Variants in KIAA1549 observed in about 807,000 individuals in gnomAD.
KIAA1549 encodes the protein KIAA1549, also known as UPF0606 protein KIAA1549.
A neutral mutation model predicts 156.4 loss-of-function variants in KIAA1549; 70 were observed. The ratio of observed to expected loss-of-function variants is 0.45; its 90% CI spans 0.37 to 0.55. The LOEUF is 0.55. Among genes scored for constraint, KIAA1549 ranks in the 20% least tolerant of loss-of-function variants. KIAA1549 has a pLI of 0.00. For missense variants in KIAA1549, 2,428 were observed against 2,540.9 expected (o/e 0.96, Z 0.96); for synonymous variants, 1,103 against 1,066.4 (o/e 1.03, Z -0.67).
At chr7:138,840,067 G>A (rs949237417) in intron 19 of KIAA1549, 66 bp downstream of exon 19, 46 of 1,422,776 alleles carry the variant, frequency 3.2e-5, no homozygotes, top group Non-Finnish European at 4.0e-5. Flanking sequence ...TGGGATTACA[G>A]GTGTGAGCCA....
chr7:138,898,406 T>C (rs1248995864), intron 9 of KIAA1549, among the ~76,000 whole-genome samples: 2 of 150,140 alleles, frequency 1.3e-5, no homozygotes, highest in South Asian at 2.1e-4. Flanking sequence ...CCAACAATAA[T>C]AAAGAAACTT....
chr7:138,863,110 G>A (rs888519967), intron 15 of KIAA1549, among the ~76,000 whole-genome samples: 15 of 152,050 alleles, frequency 9.9e-5, no homozygotes, highest in East Asian at 1.9e-4. Context: ...AGGAACCAAC[G>A]AAGAAGAGTC....
chr7:138,967,566 G>A (rs1814068268), intron 1 of KIAA1549, among the ~76,000 whole-genome samples: 1 of 152,172 alleles, frequency 6.6e-6, no homozygotes, highest in South Asian at 2.1e-4. Flanking sequence ...CTAGGGGCTA[G>A]GAAAACCACC....
At chr7:138,934,000 T>A (rs1584767430) in intron 1 of KIAA1549, among the ~76,000 whole-genome samples, 1 of 152,104 alleles carries the variant, frequency 6.6e-6, no homozygotes, top group East Asian at 1.9e-4. Flanking sequence ...AAAATACAAC[T>A]CTTGCAAAAT....
Position 138,904,084 on chromosome 7 carries a change from C to A in KIAA1549, c.3521-348G>T, listed in dbSNP as rs148918518. 2.8e-4 allele frequency among the ~76,000 whole-genome samples: 42 copies of A among 152,320 alleles called. No individual in the cohort carries two copies. The East Asian group carries it at 7.4e-3, about 27-fold the overall frequency. ...GGCGCAAAGGGCGCCTACGCAAGAT[C>A]AAACATTTTGTCTGCACTTATCTCA... On this transcript the variant is annotated intron_variant, in intron 7 of 19. Coordinates refer to ENST00000422774, the MANE Select transcript of KIAA1549 (RefSeq NM_001164665.2).
chr7:138,883,844 C>T (rs1452737775), intron 10 of KIAA1549, among the ~76,000 whole-genome samples: 1 of 152,194 alleles, frequency 6.6e-6, no homozygotes, highest in African/African-American at 2.4e-5. Flanking sequence ...CACTCTGAAA[C>T]ACTTCTCTGG....
At chr7:138,894,121 G>C (rs751943411) in intron 10 of KIAA1549, among the ~76,000 whole-genome samples, 4 of 152,190 alleles carry the variant, frequency 2.6e-5, no homozygotes, top group Admixed American at 6.5e-5. Context: ...GTCATGGCTA[G>C]GCTTTTATAC....
Position 138,919,290 on chromosome 7 carries a change from C to T in KIAA1549, c.336G>A (p.Pro112=), listed in dbSNP as rs573490426. ...CTGTATCAAAAGTAGTGGCAGACGG[C>T]GGGGCTGTGACATGGAGAGGACTGC... ...QHSSPLHVTA[P]PSATTFDTAF... is the part of the protein sequence containing the mutation. The change falls in exon 2 of 20, where the codon CCG becomes CCA. Residue 112 remains proline (P), a synonymous_variant. Transcript: ENST00000422774. 7.1e-5 allele frequency: 115 copies of T among 1,613,928 alleles called. No individual in the cohort carries two copies. Among genetic ancestry groups the T allele is most frequent in the South Asian group, 7.7e-5 (7 of 91,078 alleles).
chr7:138,889,514 TCAA>T (rs936347516), intron 10 of KIAA1549, among the ~76,000 whole-genome samples: 2 of 152,162 alleles, frequency 1.3e-5, no homozygotes, highest in Non-Finnish European at 2.9e-5. Context: ...TTTTGTTAAG[TCAA>T]CAACAAGATG....
intron 10 of KIAA1549, among the ~76,000 whole-genome samples, chr7:138,883,030 T>G (rs1811286937): frequency 7.3e-6 from 1 of 136,616 alleles, no homozygotes; most frequent in Non-Finnish European, 1.5e-5. Flanking sequence ...ATCGGGCAGA[T>G]CACCTGAGGT....
chr7:138,895,142 C>T (rs184778135), intron 9 of KIAA1549, among the ~76,000 whole-genome samples: 5 of 152,308 alleles, frequency 3.3e-5, no homozygotes, highest in East Asian at 3.9e-4. Flanking sequence ...CATGAACAAG[C>T]GAAATCCCTT....
chr7:138,893,657 T>C (rs1306407707), intron 10 of KIAA1549, among the ~76,000 whole-genome samples: 1 of 152,220 alleles, frequency 6.6e-6, no homozygotes, highest in Non-Finnish European at 1.5e-5. Context: ...TAAGTGGGCT[T>C]CCAAATAGGG....
rs968107263 is a variant in KIAA1549, at chr7:138,835,610, G to A, written c.*2296C>T. On this transcript the variant is annotated 3_prime_UTR_variant, in exon 20 of 20. Transcript: ENST00000422774. ...CCATTTATCCCGTTTGCTGTCACAC[G>A]ATTTGAATTCATTACAAGGTGTCCA... 4 of 222,616 alleles carry A rather than the reference G, an allele frequency of 1.8e-5. No homozygotes were observed. Among genetic ancestry groups the A allele is most frequent in the Non-Finnish European group, 2.7e-5 (3 of 111,578 alleles). 13.8% of individuals were successfully genotyped at this position (222,616 alleles called of 1,614,324 possible).
Position 138,836,575 on chromosome 7 carries a change from A to C in KIAA1549, c.*1331T>G, listed in dbSNP as rs1010082089. 5 of 218,396 alleles carry C rather than the reference A, an allele frequency of 2.3e-5. No homozygotes were observed. The highest frequency in any genetic ancestry group is 1.1e-4 in the African/African-American group (5 of 44,522). 13.5% of individuals were successfully genotyped at this position (218,396 alleles called of 1,614,324 possible). A position where few individuals can be genotyped will look rare whatever the true frequency, so the allele number is the denominator to read the frequency against. On this transcript the variant is annotated 3_prime_UTR_variant, in exon 20 of 20. Coordinates refer to ENST00000422774, the MANE Select transcript of KIAA1549 (RefSeq NM_001164665.2). ...CTTTTCTTCTGAGTTTCACTCAGGT[A>C]CCAGAAAACAGAACAGCCCTTGCCA...
chr7:138,888,960 GTTGCTT>G (rs1325071649), intron 10 of KIAA1549, among the ~76,000 whole-genome samples: 2 of 152,190 alleles, frequency 1.3e-5, no homozygotes, highest in African/African-American at 4.8e-5. Flanking sequence ...ATTTTATGGG[GTTGCTT>G]TTACCCCAGC....
At chr7:138,927,271 TCCTA>T (rs1442974254) in intron 1 of KIAA1549, among the ~76,000 whole-genome samples, 1 of 152,232 alleles carries the variant, frequency 6.6e-6, no homozygotes, top group African/African-American at 2.4e-5. Context: ...ATACGAACTT[TCCTA>T]CCTGTTTTCT....
At chr7:138,960,714 C>T (rs1016740884) in intron 1 of KIAA1549, among the ~76,000 whole-genome samples, 4 of 147,590 alleles carry the variant, frequency 2.7e-5, no homozygotes, top group African/African-American at 1.1e-4. Flanking sequence ...CCACGGCAGG[C>T]ACCTCACAGA....
intron 1 of KIAA1549, among the ~76,000 whole-genome samples, chr7:138,958,740 G>T (rs1458179401): frequency 6.6e-6 from 1 of 152,152 alleles, no homozygotes; most frequent in Non-Finnish European, 1.5e-5. Context: ...AACAGTAGAC[G>T]GCAATACTTC....
chr7:138,913,943 G>C (rs1812241025), intron 2 of KIAA1549, among the ~76,000 whole-genome samples: 1 of 151,362 alleles, frequency 6.6e-6, no homozygotes, highest in Admixed American at 6.6e-5. Flanking sequence ...ACAGGAGGGA[G>C]GAGGGAGACA....
Sources: allele counts gnomAD v4.1 joint callset (sites outside exome capture counted in the v4.1 genomes callset), GRCh38; gene constraint gnomAD v4.1.1; transcripts MANE v1.5; gene names NCBI Gene and HGNC (gene_info 2026-07-23, HGNC 2026-07-21).